Variants in ZFHX3 observed in about 807,000 individuals in gnomAD.
The protein encoded by ZFHX3 is zinc finger homeobox 3.
In ZFHX3, 42 loss-of-function variants were observed where a neutral mutation model predicts 279.1. The ratio of observed to expected loss-of-function variants is 0.15; its 90% CI spans 0.12 to 0.19. ZFHX3 has a LOEUF of 0.19. Among genes scored for constraint, ZFHX3 ranks in the 10% least tolerant of loss-of-function variants. The pLI is 1.00. For synonymous variants in ZFHX3, 2,293 were observed against 1,957.8 expected (o/e 1.17, Z -4.52); for missense variants, 4,981 against 4,754.0 (o/e 1.05, Z -1.40).
chr16:72,833,646 C>T (rs999417187), intron 4 of ZFHX3, among the ~76,000 whole-genome samples: 12 of 152,152 alleles, frequency 7.9e-5, no homozygotes, highest in African/African-American at 2.9e-4. Context: ...GAATGCTTTC[C>T]CAAGGGCGTG....
At chr16:72,850,789 C>G (rs553492428) in intron 4 of ZFHX3, among the ~76,000 whole-genome samples, 2 of 152,060 alleles carry the variant, frequency 1.3e-5, no homozygotes, top group Non-Finnish European at 2.9e-5. Context: ...TTTCTAAAAG[C>G]CTAAAATTAA....
At chr16:73,789,066 T>C (rs1189566205) in intron 1 of ZFHX3, among the ~76,000 whole-genome samples, 2 of 150,640 alleles carry the variant, frequency 1.3e-5, no homozygotes, top group Non-Finnish European at 3.0e-5. Context: ...CTTATATATA[T>C]CATATATATC....
At chr16:72,978,199 G>A (rs934185768) in intron 1 of ZFHX3, among the ~76,000 whole-genome samples, 3 of 152,110 alleles carry the variant, frequency 2.0e-5, no homozygotes, top group East Asian at 1.9e-4. Flanking sequence ...ACTCTTTCCC[G>A]AGCATTCACG....
chr16:73,315,264 A>T (rs780308083), intron 4 of ZFHX3, among the ~76,000 whole-genome samples: 6 of 151,988 alleles, frequency 3.9e-5, no homozygotes, highest in South Asian at 4.1e-4. Flanking sequence ...AGTTCAAGTG[A>T]CATATAATGA....
intron 4 of ZFHX3, among the ~76,000 whole-genome samples, chr16:72,860,107 A>G (rs1162663064): frequency 6.6e-6 from 1 of 152,182 alleles, no homozygotes; most frequent in Admixed American, 6.5e-5. Context: ...ACATACTTAA[A>G]TAAATAATCC....
intron 4 of ZFHX3, among the ~76,000 whole-genome samples, chr16:73,276,813 G>A (rs1423263345): frequency 3.9e-5 from 6 of 152,120 alleles, no homozygotes; most frequent in Non-Finnish European, 8.8e-5. Context: ...GGAAATAGTC[G>A]ATTACATGAG....
chr16:73,258,580 C>T (rs1181672096), intron 4 of ZFHX3, among the ~76,000 whole-genome samples: 1 of 152,022 alleles, frequency 6.6e-6, no homozygotes, highest in Non-Finnish European at 1.5e-5. Flanking sequence ...GATCTCCTGA[C>T]CTCGTGATCC....
At chr16:72,906,515 G>C (rs1005789498) in intron 3 of ZFHX3, among the ~76,000 whole-genome samples, 1 of 152,150 alleles carries the variant, frequency 6.6e-6, no homozygotes. Context: ...AAAAAAGCTG[G>C]CCGGGCATGG....
intron 3 of ZFHX3, among the ~76,000 whole-genome samples, chr16:73,334,691 G>A (rs779916495): frequency 2.0e-5 from 3 of 151,986 alleles, no homozygotes; most frequent in Non-Finnish European, 2.9e-5. Context: ...ACAGACGCTC[G>A]GGGCAAGTGG....
chr16:73,442,762 T>G (rs1007729583), intron 3 of ZFHX3, among the ~76,000 whole-genome samples: 1 of 152,142 alleles, frequency 6.6e-6, no homozygotes, highest in African/African-American at 2.4e-5. Flanking sequence ...GGGAGCACCA[T>G]GAGCGCAGGA....
chr16:73,715,392 T>C (rs181256386), intron 1 of ZFHX3, among the ~76,000 whole-genome samples: 34 of 152,260 alleles, frequency 2.2e-4, no homozygotes, highest in African/African-American at 7.5e-4. Context: ...TCTTCTTTAA[T>C]GCCAACAATA....
intron 7 of ZFHX3, among the ~76,000 whole-genome samples, chr16:73,107,947 G>A (rs1037911839): frequency 1.3e-5 from 2 of 152,182 alleles, no homozygotes; most frequent in Admixed American, 1.3e-4. Flanking sequence ...GGATCACGAG[G>A]TCAGGAGATC....
intron 5 of ZFHX3, among the ~76,000 whole-genome samples, chr16:73,150,953 T>G (rs1165705029): frequency 6.6e-6 from 1 of 152,088 alleles, no homozygotes; most frequent in African/African-American, 2.4e-5. Flanking sequence ...CCGGCATCAC[T>G]CAAACAAAAA....
At chr16:73,465,484 C>T (rs1019354643) in intron 2 of ZFHX3, among the ~76,000 whole-genome samples, 2 of 152,130 alleles carry the variant, frequency 1.3e-5, no homozygotes, top group African/African-American at 4.8e-5. Flanking sequence ...TCTGAGGTCT[C>T]ACTGGAGACT....
intron 4 of ZFHX3, among the ~76,000 whole-genome samples, chr16:72,849,833 G>C (rs1023118359): frequency 8.7e-6 from 1 of 114,468 alleles, no homozygotes; most frequent in African/African-American, 3.4e-5. Flanking sequence ...TTCCAGGTGG[G>C]CTCTCTGCCA....
intron 2 of ZFHX3, among the ~76,000 whole-genome samples, chr16:73,635,889 T>C (rs2052523104): frequency 1.3e-5 from 2 of 152,234 alleles, no homozygotes; most frequent in Non-Finnish European, 2.9e-5. Flanking sequence ...GCATCTCTGT[T>C]TTCTGGATAT....
chr16:73,219,807 T>TGGGCATG (rs972625882), intron 5 of ZFHX3, among the ~76,000 whole-genome samples: 20 of 152,236 alleles, frequency 1.3e-4, no homozygotes, highest in African/African-American at 4.1e-4. Flanking sequence ...GTTTGGAGGC[T>TGGGCATG]GGGCATGGTG....
At chr16:72,946,503 T>G (rs1296551022) in intron 3 of ZFHX3, among the ~76,000 whole-genome samples, 3 of 152,196 alleles carry the variant, frequency 2.0e-5, no homozygotes, top group Non-Finnish European at 4.4e-5. Context: ...AAGAAAAACA[T>G]CAAAGTGAAA....
chr16:73,856,250 C>T (rs1032610104), intron 1 of ZFHX3, among the ~76,000 whole-genome samples: 3 of 152,058 alleles, frequency 2.0e-5, no homozygotes, highest in East Asian at 1.9e-4. Context: ...ATTTTGTGTG[C>T]TATTCCATAG....
Sources: gnomAD v4.1 joint callset for allele counts (sites outside exome capture counted in the v4.1 genomes callset) on GRCh38, gnomAD v4.1.1 for gene constraint, MANE v1.5 for transcripts, NCBI Gene and HGNC (gene_info 2026-07-23, HGNC 2026-07-21) for gene names.